SMOC2: variants seen among roughly 807,000 people sequenced by gnomAD.
SMOC2 encodes the protein SPARC related modular calcium binding 2.
In SMOC2, 39 loss-of-function variants were observed where a neutral mutation model predicts 61.4. The ratio of observed to expected loss-of-function variants is 0.64; its 90% CI spans 0.49 to 0.83. The LOEUF is 0.83. Ranked by LOEUF, SMOC2 falls within the 40% of genes least tolerant of loss-of-function variation. The pLI is 0.00. For synonymous variants in SMOC2, 247 were observed against 239.9 expected, an observed-to-expected ratio of 1.03 and a Z score of -0.27; for missense variants, 556 against 592.9, an observed-to-expected ratio of 0.94 and a Z score of 0.65.
chr6:168,490,428 C>T (rs1334104341), intron 1 of SMOC2, among the ~76,000 whole-genome samples: 3 of 152,124 alleles, frequency 2.0e-5, no homozygotes, highest in Non-Finnish European at 4.4e-5. Flanking sequence ...ATTGTCACAC[C>T]AGGTGGGCTC....
At chr6:168,568,033 T>A (rs1477515685) in intron 7 of SMOC2, among the ~76,000 whole-genome samples, 2 of 148,208 alleles carry the variant, frequency 1.3e-5, no homozygotes, top group Non-Finnish European at 3.0e-5. Context: ...GCATCTTCTC[T>A]TCAGATGAGC....
At chr6:168,506,604 C>T (rs1026656008) in intron 1 of SMOC2, among the ~76,000 whole-genome samples, 5 of 152,154 alleles carry the variant, frequency 3.3e-5, no homozygotes, top group African/African-American at 7.2e-5. Context: ...GACTGGTTTT[C>T]TAATGTGTGA....
intron 7 of SMOC2, among the ~76,000 whole-genome samples, chr6:168,551,418 CTTTATTTTATTTATTTA>C (rs1784125157): frequency 6.8e-6 from 1 of 147,666 alleles, no homozygotes; most frequent in African/African-American, 2.5e-5. Flanking sequence ...TGGAAATATA[CTTTATTTTATTTATTTA>C]TTTATTTATT....
At chr6:168,459,839 G>T (rs1482493403) in intron 1 of SMOC2, among the ~76,000 whole-genome samples, 2 of 140,812 alleles carry the variant, frequency 1.4e-5, no homozygotes, top group South Asian at 4.7e-4. Flanking sequence ...GTGAGCCGGG[G>T]TGGTGAGCCC....
At chr6:168,477,726 C>T (rs910429851) in intron 1 of SMOC2, among the ~76,000 whole-genome samples, 1 of 152,056 alleles carries the variant, frequency 6.6e-6, no homozygotes, top group Non-Finnish European at 1.5e-5. Flanking sequence ...GGAGTCAGAA[C>T]AGGAGGTGGG....
Position 168,535,979 on chromosome 6 carries a change from C to T in SMOC2, c.464-7646C>T, listed in dbSNP as rs374776230. On this transcript the variant is annotated intron_variant, in intron 4 of 12. Coordinates refer to ENST00000356284, the MANE Select transcript of SMOC2 (RefSeq NM_001166412.2). The surrounding 1 kb of genome is among the most constrained non-coding windows in gnomAD (Gnocchi z 4.6). ...CATGCAGCTTCACGGCACAGGGGCC[C>T]GGCCGTTCTCTCTGGATTCTGGCTC... Among the ~76,000 whole-genome samples the T allele has an allele frequency of 1.3e-5, 2 of 152,344 alleles. No individual in the cohort carries two copies. The highest frequency in any genetic ancestry group is 4.8e-5 in the African/African-American group (2 of 41,588).
chr6:168,664,778 C>T (rs926264206), intron 12 of SMOC2: 2 of 471,034 alleles, frequency 4.2e-6, no homozygotes, highest in African/African-American at 4.0e-5. Flanking sequence ...CACAACCCAT[C>T]GCAAGTCAAG....
intron 7 of SMOC2, among the ~76,000 whole-genome samples, chr6:168,583,114 G>T (rs746657613): frequency 1.2e-4 from 18 of 152,226 alleles, no homozygotes; most frequent in Non-Finnish European, 1.5e-4. Context: ...CTTTTTCTCA[G>T]TTCAAAAGTA....
intron 2 of SMOC2, among the ~76,000 whole-genome samples, chr6:168,517,292 C>T (rs763278838): frequency 7.9e-5 from 12 of 152,206 alleles, no homozygotes; most frequent in Admixed American, 4.6e-4. Flanking sequence ...TGGCCAGCGG[C>T]GCCGTGGCCT....
rs185951356 is a variant in SMOC2, at chr6:168,453,430, T to G, written c.84+11976T>G. Among the ~76,000 whole-genome samples the G allele has an allele frequency of 3.9e-5, 6 of 152,330 alleles. No homozygotes were observed. The highest frequency in any genetic ancestry group is 2.6e-4 in the Admixed American group (4 of 15,306). On this transcript the variant is annotated intron_variant, in intron 1 of 12. Coordinates refer to ENST00000356284, the MANE Select transcript of SMOC2 (RefSeq NM_001166412.2). The surrounding 1 kb of genome is among the most constrained non-coding windows in gnomAD (Gnocchi z 4.4). The stretch of plus-strand genomic sequence containing the variant: ...CAAAGCCAAGTGGAGAGTTAGAGGC[T>G]AGGCTCTCTCTTTCTCTCTGTCTCT...
At chr6:168,550,215 A>T (rs1784098742) in intron 7 of SMOC2, among the ~76,000 whole-genome samples, 1 of 152,210 alleles carries the variant, frequency 6.6e-6, no homozygotes, top group Admixed American at 6.5e-5. Context: ...GGAAATACGG[A>T]GTTAGTAACA....
At position 168,547,137 on chromosome 6, in the gene SMOC2, C is replaced by T. The variant is rs377217277; in HGVS notation, c.530C>T (p.Ala177Val). 15 of 1,613,842 alleles carry T rather than the reference C, an allele frequency of 9.3e-6. No individual in the cohort carries two copies. In the East Asian group the frequency reaches 1.3e-4, roughly 14 times the overall value. ...AATTCAGATGATGCCGCAGCTCCAG[C>T]GTTGGAGACTCAGCCTCAAGGAGAT... ...TGKTDDAAAPALETQPQGDEE... is the reference protein window; with the variant it reads ...TGKTDDAAAPVLETQPQGDEE... The change falls in exon 6 of 13, where the codon GCG (alanine) becomes GTG (valine). Residue 177 changes from alanine (A) to valine (V), a missense_variant. Ala to Val is a moderately conservative substitution (Grantham distance 64). Coordinates refer to ENST00000356284, the MANE Select transcript of SMOC2 (RefSeq NM_001166412.2).
intron 12 of SMOC2, among the ~76,000 whole-genome samples, chr6:168,665,420 A>G (rs1041765972): frequency 6.6e-6 from 1 of 152,394 alleles, no homozygotes; most frequent in African/African-American, 2.4e-5. Context: ...GAAGGCCACC[A>G]TGTTGCTTTG....
chr6:168,559,872 G>A (rs10945513), intron 7 of SMOC2, among the ~76,000 whole-genome samples: 58,261 of 152,050 alleles, frequency 0.38, 11,645 homozygotes, highest in Middle Eastern at 0.5. Context: ...TTTCTCTGTA[G>A]TCACCCTTAT....
rs1028851396 is a variant in SMOC2, at chr6:168,612,225, G to T, written c.907+3986G>T. The stretch of plus-strand genomic sequence containing the variant: ...GGTTCGTGATCTCCATCGGGGAGAG[G>T]GTGACTGCAGCCTTTACTCAAACAG... On this transcript the variant is annotated intron_variant, in intron 9 of 12. Coordinates refer to ENST00000356284, the MANE Select transcript of SMOC2 (RefSeq NM_001166412.2). Among the ~76,000 whole-genome samples the T allele has an allele frequency of 1.1e-4, 16 of 148,520 alleles. 1 individual carries two copies. The highest frequency in any genetic ancestry group is 3.7e-4 in the African/African-American group (15 of 40,104).
At chr6:168,659,707 T>A in intron 11 of SMOC2, among the ~76,000 whole-genome samples, 1 of 136,336 alleles carries the variant, frequency 7.3e-6, no homozygotes, top group Admixed American at 7.6e-5. Context: ...AGGGTGGAGG[T>A]TGTAGGCTGA....
chr6:168,556,010 C>T (rs115608452), intron 7 of SMOC2, among the ~76,000 whole-genome samples: 531 of 152,310 alleles, frequency 3.5e-3, no homozygotes, highest in African/African-American at 0.012. Flanking sequence ...ACACCATCCT[C>T]GCCGTGGCGG....
Position 168,535,284 on chromosome 6 carries a change from A to G in SMOC2, c.463+7557A>G, listed in dbSNP as rs1386892618. Among the ~76,000 whole-genome samples the G allele has an allele frequency of 6.6e-6, 1 of 152,096 alleles. No homozygotes were observed. Among genetic ancestry groups the G allele is most frequent in the Non-Finnish European group, 1.5e-5 (1 of 68,024 alleles). On this transcript the variant is annotated intron_variant, in intron 4 of 12. Coordinates refer to ENST00000356284, the MANE Select transcript of SMOC2 (RefSeq NM_001166412.2). This position sits in a 1 kb window ranked among gnomAD's most constrained non-coding sequence, Gnocchi z 4.6. ...CGTGCCCAGCCTCCAGAGATATTTT[A>G]TGTACATAAAAACAAGTATATTATT...
At chr6:168,552,989 G>A (rs1008798578) in intron 7 of SMOC2, among the ~76,000 whole-genome samples, 3 of 152,114 alleles carry the variant, frequency 2.0e-5, no homozygotes, top group Non-Finnish European at 1.5e-5. Context: ...ATAAAGATTT[G>A]TACCAGCATA....
Sources: allele counts gnomAD v4.1 joint callset (sites outside exome capture counted in the v4.1 genomes callset), GRCh38; gene constraint gnomAD v4.1.1; non-coding constraint Gnocchi (gnomAD v3.1); transcripts MANE v1.5; gene names NCBI Gene and HGNC (gene_info 2026-07-23, HGNC 2026-07-21).